The following VPS8 variants were observed in gnomAD, a reference collection of about 807,000 sequenced individuals.
VPS8 encodes vacuolar protein sorting-associated protein 8 homolog.
A neutral mutation model predicts 216.4 loss-of-function variants in VPS8; 129 were observed. The observed-to-expected ratio is 0.60, with a 90% confidence interval of 0.52 to 0.69. The LOEUF (loss-of-function observed/expected upper bound fraction) is 0.69, where lower values mean the gene tolerates loss of function less well. VPS8 is among the 30% of genes least tolerant of loss of function. The pLI, the probability that VPS8 is intolerant of heterozygous loss-of-function variation, is 0.00. For missense variants in VPS8, 1,531 were observed against 1,683.5 expected (o/e 0.91, Z 1.59); for synonymous variants, 571 against 565.4 (o/e 1.01, Z -0.14).
intron 26 of VPS8, 126 bp from the exon 27 acceptor site, chr3:184,914,855 A>G (rs1384993262): frequency 1.1e-6 from 1 of 930,834 alleles, no homozygotes; most frequent in Non-Finnish European, 1.7e-6. Flanking sequence ...AACTTGACCT[A>G]ACTGACAAAA....
chr3:184,816,749 A>T (rs1716405168), intron 1 of VPS8, among the ~76,000 whole-genome samples: 1 of 152,306 alleles, frequency 6.6e-6, no homozygotes, highest in East Asian at 1.9e-4. Flanking sequence ...TTGGAACTGC[A>T]TGGCGTTTGT....
At chr3:184,823,326 A>G (rs1276007310) in intron 1 of VPS8, among the ~76,000 whole-genome samples, 1 of 152,226 alleles carries the variant, frequency 6.6e-6, no homozygotes, top group Non-Finnish European at 1.5e-5. Flanking sequence ...CACGTTGACA[A>G]TATAGTGAGA....
chr3:184,824,883 G>A, intron 2 of VPS8, 98 bp downstream of exon 2: 1 of 1,172,874 alleles, frequency 8.5e-7, no homozygotes, highest in Non-Finnish European at 1.2e-6. Flanking sequence ...TTTTTGCATG[G>A]GTTAATAGGA....
At chr3:184,884,458 T>A (rs967924647) in intron 21 of VPS8, among the ~76,000 whole-genome samples, 6 of 152,198 alleles carry the variant, frequency 3.9e-5, no homozygotes, top group Admixed American at 3.3e-4. Flanking sequence ...GTGAACCTCT[T>A]GGCTCAGTTG....
At chr3:184,947,391 G>A (rs1743888137) in intron 36 of VPS8, among the ~76,000 whole-genome samples, 1 of 152,124 alleles carries the variant, frequency 6.6e-6, no homozygotes, top group Non-Finnish European at 1.5e-5. Context: ...TGACATAAGA[G>A]TTTGGCAGAG....
chr3:185,049,379 A>G (rs9861077), intron 47 of VPS8, among the ~76,000 whole-genome samples: 72,934 of 151,890 alleles, frequency 0.48, 17,827 homozygotes, highest in East Asian at 0.67. Context: ...CTGTCATCCA[A>G]CCACCTAGAG....
chr3:184,943,926 ACCCCGTCTTTACTAAAAAT>A (rs142442802), intron 36 of VPS8, among the ~76,000 whole-genome samples: 13,414 of 152,134 alleles, frequency 0.088, 632 homozygotes, highest in African/African-American at 0.094. Flanking sequence ...GCATGGTGAA[ACCCCGTCTTTACTAAAAAT>A]ACAAAAATTA....
intron 38 of VPS8, among the ~76,000 whole-genome samples, chr3:184,966,302 C>T (rs1011645087): frequency 6.6e-6 from 1 of 152,118 alleles, no homozygotes; most frequent in African/African-American, 2.4e-5. Context: ...CTCCCATGAC[C>T]CAGACACCTT....
Position 185,024,392 on chromosome 3 carries a change from G to C in VPS8, c.4056+3G>C. The C allele has an allele frequency of 6.3e-7, 1 of 1,593,798 alleles. No individual in the cohort carries two copies. Among genetic ancestry groups the C allele is most frequent in the Non-Finnish European group, 8.6e-7 (1 of 1,169,170 alleles). ...AAGGGGATCCCACTGCTAAAAAGGT[G>C]AGTTTGTTTTAAAGGCAAAAAACCA... On this transcript the variant is annotated splice_donor_region_variant and intron_variant, in intron 46 of 47. Transcript: ENST00000625842.
chr3:184,881,347 T>TC (rs1730233620), intron 21 of VPS8, among the ~76,000 whole-genome samples: 1 of 152,154 alleles, frequency 6.6e-6, no homozygotes, highest in Non-Finnish European at 1.5e-5. Context: ...AGGTCGAAGT[T>TC]CCTTTGTGTG....
At chr3:185,044,664 C>T (rs560172001) in intron 46 of VPS8, among the ~76,000 whole-genome samples, 13 of 152,236 alleles carry the variant, frequency 8.5e-5, no homozygotes, top group Admixed American at 4.6e-4. Context: ...AAGCACTCGC[C>T]TCCCTTAGAA....
rs765244524 is a variant in VPS8, at chr3:184,824,702, A to C, written c.70A>C (p.Asn24His). ...TGCCAAGACGAGCGAAGAAGAGCTG[A>C]ATAAGTCTTTCAATCTAGAAGCTTC... ...LCAKTSEEEL[N>H]KSFNLEASLS... Residue 24 changes from asparagine (N) to histidine (H), a missense_variant, in exon 2 of 48, where the codon AAT becomes CAT. Transcript: ENST00000625842. 4.3e-6 allele frequency: 7 copies of C among 1,613,948 alleles called. No homozygotes were observed. In the Admixed American group the frequency reaches 1.2e-4, roughly 27 times the overall value.
At chr3:184,914,909 A>G in intron 26 of VPS8, 72 bp from the exon 27 acceptor site, 1 of 1,425,872 alleles carries the variant, frequency 7.0e-7, no homozygotes, top group African/African-American at 1.4e-5. Flanking sequence ...AAGTTTGAGA[A>G]ACAATGTGTT....
At chr3:184,846,996 G>T (rs573344799) in intron 8 of VPS8, among the ~76,000 whole-genome samples, 1 of 152,162 alleles carries the variant, frequency 6.6e-6, no homozygotes, top group Non-Finnish European at 1.5e-5. Context: ...GGATTAAATC[G>T]AGGAAGGGTG....
chr3:184,955,204 C>G (rs1004732382), intron 36 of VPS8, among the ~76,000 whole-genome samples: 3 of 152,184 alleles, frequency 2.0e-5, no homozygotes, highest in Non-Finnish European at 4.4e-5. Context: ...CATCTGGAGG[C>G]CTAAACCCCT....
chr3:184,915,080 A>T, intron 27 of VPS8, 27 bp downstream of exon 27: 2 of 1,609,240 alleles, frequency 1.2e-6, no homozygotes, highest in Non-Finnish European at 1.7e-6. Context: ...TAGCCTTTTG[A>T]CTGTTCTCCG....
chr3:184,855,517 A>T (rs1004612949), intron 13 of VPS8, among the ~76,000 whole-genome samples, 194 bp from the exon 14 acceptor site: 3 of 152,236 alleles, frequency 2.0e-5, no homozygotes, highest in Non-Finnish European at 4.4e-5. Context: ...TCAAATGCCT[A>T]TCAAGATGTA....
intron 13 of VPS8, 75 bp from the exon 14 acceptor site, chr3:184,855,635 GT>G: frequency 8.1e-7 from 1 of 1,229,440 alleles, no homozygotes; most frequent in Non-Finnish European, 1.2e-6. Flanking sequence ...GTCAGATGCT[GT>G]TTTTAACCAT....
At position 184,894,845 on chromosome 3, in the gene VPS8, C is replaced by A; in HGVS notation, c.1924C>A (p.His642Asn). The part of the protein sequence containing the change: ...TPQVMKDLIV[H>N]FQDKKLMENV... ...CCAAGTAATGAAAGACTTGATTGTT[C>A]ATTTCCAAGATAAAAAATTAATGGA... Residue 642 changes from histidine to asparagine, a missense_variant, in exon 23 of 48, where the codon CAT becomes AAT. Physicochemically the swap from His to Asn is moderately conservative, Grantham distance 68. Transcript: ENST00000625842. The A allele has an allele frequency of 6.2e-7, 1 of 1,610,202 alleles. No individual in the cohort carries two copies. Among genetic ancestry groups the A allele is most frequent in the Non-Finnish European group, 8.5e-7 (1 of 1,178,112 alleles).
Sources: allele counts gnomAD v4.1 joint callset (sites outside exome capture counted in the v4.1 genomes callset), GRCh38; gene constraint gnomAD v4.1.1; transcripts MANE v1.5; gene names NCBI Gene and HGNC (gene_info 2026-07-23, HGNC 2026-07-21).